The following PLXNB2 variants were observed in gnomAD, a reference collection of about 807,000 sequenced individuals.
PLXNB2 encodes the protein plexin-B2.
Under a neutral mutation model 202.6 loss-of-function variants are expected in PLXNB2, and 85 were observed. That is an observed-to-expected ratio of 0.42 (90% confidence interval 0.35 to 0.50). The LOEUF is 0.50. Ranked by LOEUF, PLXNB2 falls within the 20% of genes least tolerant of loss-of-function variation. The pLI, the probability that PLXNB2 is intolerant of heterozygous loss-of-function variation, is 0.02. For synonymous variants in PLXNB2, 1,239 were observed against 1,137.6 expected (o/e 1.09, Z -1.79); for missense variants, 2,063 against 2,586.2 (o/e 0.80, Z 4.39).
At chr22:50,280,714 G>GGCCCA in intron 24 of PLXNB2, 30 bp downstream of exon 24, 2 of 1,528,934 alleles carry the variant, frequency 1.3e-6, no homozygotes, top group Non-Finnish European at 1.8e-6. Context: ...CCACCTGTGT[G>GGCCCA]CCCTCCCGCC....
chr22:50,284,743 C>T lies in PLXNB2; in HGVS notation c.2089-78G>A. 9.4e-7 allele frequency: 1 copy of T among 1,059,232 alleles called. No homozygotes were observed. Among genetic ancestry groups the T allele is most frequent in the Non-Finnish European group, 1.5e-6 (1 of 676,624 alleles). The allele number at this position is 1,059,232 out of a possible 1,614,324, so 65.6% of individuals were successfully genotyped here. On this transcript the variant is annotated intron_variant, in intron 11 of 36. Transcript: ENST00000359337. This position sits in a 1 kb window ranked among gnomAD's most constrained non-coding sequence, Gnocchi z 8.0. ...TCCTCCCAGAACCCCTGCAGCCCCTCCTCTGTGCCTACAGTGTGGGAGCCC... is the reference window on the plus strand; with the variant it reads ...TCCTCCCAGAACCCCTGCAGCCCCTTCTCTGTGCCTACAGTGTGGGAGCCC...
chr22:50,289,548 T>A lies in PLXNB2; in HGVS notation c.1037A>T (p.His346Leu), dbSNP rs1235380008. 6.2e-7 allele frequency: 1 copy of A among 1,611,812 alleles called. No homozygotes were observed. The highest frequency in any genetic ancestry group is 2.2e-5 in the East Asian group (1 of 44,870). The part of the protein sequence containing the change: ...EARDIFYKPF[H>L]GDIQCGGHAP... ...GTGGCCGCCGCACTGGATATCGCCG[T>A]GGAAGGGCTTGTAGAAGATGTCACG... The change falls in exon 3 of 37, where the codon CAC becomes CTC. Residue 346 changes from histidine (H) to leucine (L), a missense_variant. His to Leu is a moderately conservative substitution (Grantham distance 99, BLOSUM62 -3). Around this residue, in one of 2 missense-constraint regions of PLXNB2, gnomAD observed 1,303 missense variants for 1,476.8 expected, o/e 0.88. Coordinates refer to ENST00000359337, the MANE Select transcript of PLXNB2 (RefSeq NM_012401.4). The surrounding 1 kb of genome is among the most constrained non-coding windows in gnomAD (Gnocchi z 8.0).
At position 50,289,176 on chromosome 22, in the gene PLXNB2, C is replaced by A. The variant is rs1002495247; in HGVS notation, c.1069-34G>T. On this transcript the variant is annotated intron_variant, in intron 3 of 36. Coordinates refer to ENST00000359337, the MANE Select transcript of PLXNB2 (RefSeq NM_012401.4). This position sits in a 1 kb window ranked among gnomAD's most constrained non-coding sequence, Gnocchi z 8.0. ...CACAGCGTGTCAATGGCAGGCAGAC[C>A]CCCTGTCCTGAAGGGCCCTCTCCAC... The A allele has an allele frequency of 1.3e-6, 2 of 1,515,012 alleles. No homozygotes were observed. The highest frequency in any genetic ancestry group is 1.8e-6 in the Non-Finnish European group (2 of 1,131,566). The allele number at this position is 1,515,012 out of a possible 1,614,324, so 93.8% of individuals were successfully genotyped here.
At chr22:50,287,890 G>A (rs747464909) in intron 6 of PLXNB2, 47 bp downstream of exon 6, 15 of 1,584,330 alleles carry the variant, frequency 9.5e-6, no homozygotes, top group East Asian at 4.6e-5. Flanking sequence ...ACGACCTTCC[G>A]GGATCCCAGA....
Position 50,289,912 on chromosome 22 carries a change from C to A in PLXNB2, c.673G>T (p.Gly225Cys). 6.2e-7 allele frequency: 1 copy of A among 1,613,180 alleles called. No individual in the cohort carries two copies. The highest frequency in any genetic ancestry group is 1.7e-5 in the Admixed American group (1 of 60,026). ...TQQFVAAFED[G>C]PYVFFVFNQQ... ...TTGAAGACAAAGAAGACGTAGGGGC[C>A]GTCCTCGAAGGCCGCCACGAACTGC... is the stretch of plus-strand genomic sequence containing the variant. Residue 225 changes from glycine to cysteine, a missense_variant, in exon 3 of 37, where the codon GGC becomes TGC. This residue lies in a region of PLXNB2 where 1,303 missense variants were observed against 1,476.8 expected (regional missense o/e 0.88). Coordinates refer to ENST00000359337, the MANE Select transcript of PLXNB2 (RefSeq NM_012401.4). The surrounding 1 kb of genome is among the most constrained non-coding windows in gnomAD (Gnocchi z 8.0).
Position 50,275,601 on chromosome 22 carries a change from G to C in PLXNB2, c.*103C>G, listed in dbSNP as rs374062280. The C allele has an allele frequency of 5.0e-6, 4 of 794,752 alleles. No individual in the cohort carries two copies. The highest frequency in any genetic ancestry group is 2.5e-5 in the Admixed American group (1 of 40,652). 49.2% of individuals were successfully genotyped at this position (794,752 alleles called of 1,614,324 possible). On this transcript the variant is annotated 3_prime_UTR_variant, in exon 37 of 37. Coordinates refer to ENST00000359337, the MANE Select transcript of PLXNB2 (RefSeq NM_012401.4). ...CCACTCCGGCTTGGGGCGCGTTCCA[G>C]GGGAGGGTGGGGGCCTCAGCCACAG...
At position 50,291,786 on chromosome 22, in the gene PLXNB2, C is replaced by T. The variant is rs957791607; in HGVS notation, c.-13-1189G>A. Among the ~76,000 whole-genome samples the T allele has an allele frequency of 3.3e-5, 5 of 152,298 alleles. No individual in the cohort carries two copies. In the Middle Eastern group the frequency reaches 0.01, roughly 311 times the overall value. On this transcript the variant is annotated intron_variant, in intron 2 of 36. Coordinates refer to ENST00000359337, the MANE Select transcript of PLXNB2 (RefSeq NM_012401.4). The surrounding 1 kb of genome is among the most constrained non-coding windows in gnomAD (Gnocchi z 4.3). Reference sequence around the variant, plus strand: ...CTCACAACCACCCCCACTCCTGGGCCCACCATCATCTTCCCTGAGTGCACC... The same window carrying T: ...CTCACAACCACCCCCACTCCTGGGCTCACCATCATCTTCCCTGAGTGCACC...
At chr22:50,280,136 T>G in intron 25 of PLXNB2, 65 bp from the exon 26 acceptor site, 1 of 1,342,234 alleles carries the variant, frequency 7.5e-7, no homozygotes, top group African/African-American at 1.5e-5. Context: ...AACTGACTCC[T>G]CCAAGCACCC....
chr22:50,283,436 A>G lies in PLXNB2; in HGVS notation c.2580T>C (p.Cys860=). 3 of 1,612,870 alleles carry G rather than the reference A, an allele frequency of 1.9e-6. No individual in the cohort carries two copies. Among genetic ancestry groups the G allele is most frequent in the Non-Finnish European group, 2.5e-6 (3 of 1,179,826 alleles). Residue 860 remains cysteine (C), a synonymous_variant, in exon 16 of 37, where the codon TGT becomes TGC. Coordinates refer to ENST00000359337, the MANE Select transcript of PLXNB2 (RefSeq NM_012401.4). ...AAGGCGTCTCCGCAGCCTCGATCAC[A>G]CACACGATCCTGGCGGGCGACAGGC... ...ERYSVSTRIV[C]VIEAAETPFT...
chr22:50,282,778 C>G lies in PLXNB2; in HGVS notation c.2920G>C (p.Gly974Arg), dbSNP rs201704027. Residue 974 changes from glycine to arginine, a missense_variant, in exon 18 of 37, where the codon GGC becomes CGC. Gly to Arg is a moderately radical substitution (Grantham distance 125). Transcript: ENST00000359337. Reference sequence around the variant, plus strand: ...TTTTCGCGGTAGGTGAAGAAGATGCCGGGGTTGGGCACGGGGGACCCCCCG... The same window carrying G: ...TTTTCGCGGTAGGTGAAGAAGATGCGGGGGTTGGGCACGGGGGACCCCCCG... ...SYGGSPVPNPGIFFTYRENPV... is the reference protein window; with the variant it reads ...SYGGSPVPNPRIFFTYRENPV... 1.9e-6 allele frequency: 3 copies of G among 1,612,770 alleles called. No homozygotes were observed. Among genetic ancestry groups the G allele is most frequent in the Admixed American group, 3.3e-5 (2 of 59,974 alleles).
In PLXNB2 at chr22:50,276,551, C is replaced by CTGCA; in HGVS notation, c.5337+74_5337+77dup. ...CCCTCAGCACCACATTACCCCTGCC[C>CTGCA]TGCAGCTCAGGGCCAGGCTCAGCAT... On this transcript the variant is annotated intron_variant, in intron 35 of 36. Transcript: ENST00000359337. 8 of 1,263,422 alleles carry CTGCA rather than the reference C, an allele frequency of 6.3e-6. No homozygotes were observed. In the South Asian group the frequency reaches 9.5e-5, roughly 15 times the overall value. The allele number at this position is 1,263,422 out of a possible 1,614,324, so 78.3% of individuals were successfully genotyped here.
At chr22:50,293,769 C>G (rs1450760695) in intron 2 of PLXNB2, among the ~76,000 whole-genome samples, 2 of 152,226 alleles carry the variant, frequency 1.3e-5, no homozygotes, top group Non-Finnish European at 1.5e-5. Flanking sequence ...AGCCGTCCCC[C>G]AGCTTCCACC....
chr22:50,303,642 C>T (rs1212277249), intron 1 of PLXNB2, among the ~76,000 whole-genome samples: 5 of 152,242 alleles, frequency 3.3e-5, no homozygotes, highest in African/African-American at 1.2e-4. Context: ...CTGCGGGACT[C>T]AGCTGGGGCA....
chr22:50,301,375 C>A, intron 1 of PLXNB2: 1 of 980,932 alleles, frequency 1.0e-6, no homozygotes, highest in Non-Finnish European at 1.2e-6. Flanking sequence ...TGAGGACCTC[C>A]TGTGGGAGGG....
intron 1 of PLXNB2, among the ~76,000 whole-genome samples, chr22:50,299,992 G>A (rs1174485352): frequency 6.6e-6 from 1 of 152,114 alleles, no homozygotes; most frequent in African/African-American, 2.4e-5. Flanking sequence ...GCGCGCCCGG[G>A]GCCAGGAAGC....
rs1338897375 is a variant in PLXNB2 at position 50,284,849 on chromosome 22, G to C, written c.2089-184C>G. On this transcript the variant is annotated intron_variant, in intron 11 of 36. Coordinates refer to ENST00000359337, the MANE Select transcript of PLXNB2 (RefSeq NM_012401.4). The surrounding 1 kb of genome is among the most constrained non-coding windows in gnomAD (Gnocchi z 8.0). ...GCCACTCCTGAGCCCAAACACCTGT[G>C]TCTGCAGAAGCCTCTGAACGTCCTC... The C allele has an allele frequency of 1.4e-6, 1 of 725,004 alleles. No homozygotes were observed. Among genetic ancestry groups the C allele is most frequent in the Non-Finnish European group, 2.6e-6 (1 of 387,468 alleles). 44.9% of individuals were successfully genotyped at this position (725,004 alleles called of 1,614,324 possible).
chr22:50,287,983 G>A lies in PLXNB2; in HGVS notation c.1435C>T (p.Arg479Cys), dbSNP rs770096187. Residue 479 changes from arginine to cysteine, a missense_variant, in exon 6 of 37, where the codon CGC becomes TGC. Transcript: ENST00000359337. The stretch of plus-strand genomic sequence containing the variant: ...CCGCAGTAGGGGTCCTGGGAGTCGC[G>A]GCACTGGGTGCAGGTCGGGTAGCTC... ...CLSYPTCTQC[R>C]DSQDPYCGWC... 3.8e-5 allele frequency: 60 copies of A among 1,581,630 alleles called. No homozygotes were observed. Among genetic ancestry groups the A allele is most frequent in the Non-Finnish European group, 4.8e-5 (56 of 1,164,722 alleles).
intron 33 of PLXNB2, 131 bp downstream of exon 33, chr22:50,277,460 T>G: frequency 1.1e-6 from 1 of 933,178 alleles, no homozygotes; most frequent in Non-Finnish European, 1.5e-6. Flanking sequence ...CCGCCACCCG[T>G]CACCTCCTAC....
chr22:50,282,497 G>A lies in PLXNB2; in HGVS notation c.2988-184C>T, dbSNP rs2147394898. On this transcript the variant is annotated intron_variant, in intron 18 of 36. Transcript: ENST00000359337. ...CACGAGACTGTGCCGCAAGTGGGCG[G>A]GGGGCACACGGGGCCTGGTGAGCGT... 5 of 694,826 alleles carry A rather than the reference G, an allele frequency of 7.2e-6. No homozygotes were observed. The East Asian group carries it at 1.1e-4, about 15-fold the overall frequency. The allele number at this position is 694,826 out of a possible 1,614,324, so 43.0% of individuals were successfully genotyped here. A position where few individuals can be genotyped will look rare whatever the true frequency, so the allele number is the denominator to read the frequency against.
Sources: gnomAD v4.1 joint callset for allele counts (sites outside exome capture counted in the v4.1 genomes callset) on GRCh38, gnomAD v4.1.1 for gene constraint, gnomAD v4.1.1 regional missense constraint, Gnocchi (gnomAD v3.1) non-coding constraint, MANE v1.5 for transcripts, NCBI Gene and HGNC (gene_info 2026-07-23, HGNC 2026-07-21) for gene names.